NEK8: variants seen among roughly 807,000 people sequenced by gnomAD.
NEK8 encodes serine/threonine-protein kinase Nek8.
In NEK8, 51 loss-of-function variants were observed where a neutral mutation model predicts 77.2. The ratio of observed to expected loss-of-function variants is 0.66; its 90% CI spans 0.53 to 0.83. The LOEUF (loss-of-function observed/expected upper bound fraction) is 0.83, where lower values mean the gene tolerates loss of function less well. Ranked by LOEUF, NEK8 falls within the 40% of genes least tolerant of loss-of-function variation. NEK8 has a pLI of 0.00. For missense variants in NEK8, 787 were observed against 909.2 expected (o/e 0.87, Z 1.73); for synonymous variants, 365 against 363.2 (o/e 1.00, Z -0.06).
At position 28,738,744 on chromosome 17, in the gene NEK8, C is replaced by T; in HGVS notation, c.1296C>T (p.Ser432=). The change falls in exon 9 of 15, where the codon AGC becomes AGT. Residue 432 remains serine (S), a synonymous_variant. Coordinates refer to ENST00000268766, the MANE Select transcript of NEK8 (RefSeq NM_178170.3). ...GCCATGGCAGCCTCACTGACATCAG[C>T]CAGGTGGGTGTCACATATACCTTGG... ...CLGHGSLTDI[S]QPTIVEALLG... is the part of the protein sequence containing the mutation. 1.2e-6 allele frequency: 2 copies of T among 1,612,918 alleles called. No homozygotes were observed. Among genetic ancestry groups the T allele is most frequent in the Non-Finnish European group, 1.7e-6 (2 of 1,178,830 alleles).
At position 28,741,191 on chromosome 17, in the gene NEK8, G is replaced by A; in HGVS notation, c.1846G>A (p.Ala616Thr). The A allele has an allele frequency of 6.2e-7, 1 of 1,613,212 alleles. No homozygotes were observed. The highest frequency in any genetic ancestry group is 8.5e-7 in the Non-Finnish European group (1 of 1,179,572). ...KVQGLEGIKM[A>T]MVACGDAFTV... ...CCAAGGCCTTGAGGGCATCAAGATG[G>A]CAATGGTAGCCTGTGGGGATGCCTT... The change falls in exon 13 of 15, where the codon GCA becomes ACA. Residue 616 changes from alanine (A) to threonine (T), a missense_variant. Coordinates refer to ENST00000268766, the MANE Select transcript of NEK8 (RefSeq NM_178170.3). This position sits in a 1 kb window ranked among gnomAD's most constrained non-coding sequence, Gnocchi z 4.5.
In NEK8 at chr17:28,737,970, C is replaced by T. The variant is rs749011475; in HGVS notation, c.1041C>T (p.Val347=). The change falls in exon 7 of 15, where the codon GTC becomes GTT. Residue 347 remains valine, a synonymous_variant. Coordinates refer to ENST00000268766, the MANE Select transcript of NEK8 (RefSeq NM_178170.3). This position sits in a 1 kb window ranked among gnomAD's most constrained non-coding sequence, Gnocchi z 4.8. ...VAAGRTQKAG[V]TRSGRLILWE... ...CTGGGCGCACGCAGAAAGCCGGCGTCACGCGCTCTGGGCGTCTCATCCTGT... is the reference window on the plus strand; with the variant it reads ...CTGGGCGCACGCAGAAAGCCGGCGTTACGCGCTCTGGGCGTCTCATCCTGT... 2 of 1,612,098 alleles carry T rather than the reference C, an allele frequency of 1.2e-6. No homozygotes were observed. Among genetic ancestry groups the T allele is most frequent in the South Asian group, 2.2e-5 (2 of 91,028 alleles).
At position 28,728,872 on chromosome 17, in the gene NEK8, C is replaced by T; in HGVS notation, c.47+12C>T. ...AGAGGTGCCTTCGGGTGAGCCAGGG[C>T]TCTGGGGGAGGAAACTGCTAGGGGA... On this transcript the variant is annotated intron_variant, in intron 1 of 14. Coordinates refer to ENST00000268766, the MANE Select transcript of NEK8 (RefSeq NM_178170.3). 1 of 1,548,462 alleles carries T rather than the reference C, an allele frequency of 6.5e-7. No homozygotes were observed. The highest frequency in any genetic ancestry group is 8.7e-7 in the Non-Finnish European group (1 of 1,144,106).
At chr17:28,734,403 C>G (rs549330024) in intron 2 of NEK8, 1 of 604,252 alleles carries the variant, frequency 1.7e-6, no homozygotes, top group South Asian at 1.9e-5. Flanking sequence ...GGCACGGTGG[C>G]TCATGCCTGT....
intron 1 of NEK8, among the ~76,000 whole-genome samples, chr17:28,731,935 T>A (rs2034312111): frequency 9.8e-6 from 1 of 102,496 alleles, no homozygotes; most frequent in Admixed American, 9.5e-5. Flanking sequence ...TTTTTTTTTT[T>A]TTTTTTTTTT....
chr17:28,741,495 G>A lies in NEK8; in HGVS notation c.1974G>A (p.Val658=). ...RDEDAGLPRP[V]QLDETHPYTV... ...AGGATGCCGGACTCCCTCGGCCAGT[G>A]CAGTTGGATGAGACACACCCTTACA... Residue 658 remains valine (V), a synonymous_variant, in exon 14 of 15, where the codon GTG becomes GTA. Transcript: ENST00000268766. The surrounding 1 kb of genome is among the most constrained non-coding windows in gnomAD (Gnocchi z 4.5). The A allele has an allele frequency of 6.2e-7, 1 of 1,614,190 alleles. No individual in the cohort carries two copies. The highest frequency in any genetic ancestry group is 8.5e-7 in the Non-Finnish European group (1 of 1,180,030).
rs755816415 is a variant in NEK8 at position 28,737,900 on chromosome 17, C to T, written c.971C>T (p.Pro324Leu). ...GCCTGGGGTGGTGGGCTGGGCACCCCCCTGCGGCTGCCAATGCTCAACACA... is the reference window on the plus strand; with the variant it reads ...GCCTGGGGTGGTGGGCTGGGCACCCTCCTGCGGCTGCCAATGCTCAACACA... ...VYAWGGGLGT[P>L]LRLPMLNTEV... is the part of the protein sequence containing the mutation. The change falls in exon 7 of 15, where the codon CCC (proline) becomes CTC (leucine). Residue 324 changes from proline to leucine, a missense_variant. This residue lies in a region of NEK8 where 516 missense variants were observed against 544.0 expected (regional missense o/e 0.95). Transcript: ENST00000268766. This position sits in a 1 kb window ranked among gnomAD's most constrained non-coding sequence, Gnocchi z 4.8. The T allele has an allele frequency of 6.2e-7, 1 of 1,613,812 alleles. No homozygotes were observed. The highest frequency in any genetic ancestry group is 8.5e-7 in the Non-Finnish European group (1 of 1,179,986).
rs1392853679 is a variant in NEK8 at position 28,737,694 on chromosome 17, C to T, written c.847C>T (p.Pro283Ser). ...CTGCAGGGCAGAGAAGTCCGTGGCC[C>T]CCAGCAACACAGGGAGCAGGACCAC... ...RMRRAEKSVA[P>S]SNTGSRTTSV... The change falls in exon 6 of 15, where the codon CCC becomes TCC. Residue 283 changes from proline (P) to serine (S), a missense_variant. Transcript: ENST00000268766. The surrounding 1 kb of genome is among the most constrained non-coding windows in gnomAD (Gnocchi z 4.8). The T allele has an allele frequency of 6.2e-7, 1 of 1,614,144 alleles. No individual in the cohort carries two copies. The highest frequency in any genetic ancestry group is 2.2e-5 in the East Asian group (1 of 44,886).
chr17:28,740,678 T>C lies in NEK8; in HGVS notation c.1568+65T>C. The C allele has an allele frequency of 4.4e-6, 7 of 1,597,614 alleles. No individual in the cohort carries two copies. Among genetic ancestry groups the C allele is most frequent in the Non-Finnish European group, 6.0e-6 (7 of 1,165,434 alleles). ...TCCTTGGCTGCAAGTGCTCCGTCCATCATTGCCTACCTTTCACCAAAGACC... is the reference window on the plus strand; with the variant it reads ...TCCTTGGCTGCAAGTGCTCCGTCCACCATTGCCTACCTTTCACCAAAGACC... On this transcript the variant is annotated intron_variant, in intron 11 of 14. Transcript: ENST00000268766. This position sits in a 1 kb window ranked among gnomAD's most constrained non-coding sequence, Gnocchi z 4.7.
chr17:28,738,399 A>G (rs972412755), intron 8 of NEK8, among the ~76,000 whole-genome samples, 154 bp downstream of exon 8: 2 of 152,214 alleles, frequency 1.3e-5, no homozygotes, highest in Non-Finnish European at 2.9e-5. Context: ...ATTTCCTTAT[A>G]CAACCTCCTT....
In NEK8 at chr17:28,737,723, T is replaced by A. The variant is rs2034379355; in HGVS notation, c.876T>A (p.Ser292Arg). The stretch of plus-strand genomic sequence containing the variant: ...GCAACACAGGGAGCAGGACCACCAG[T>A]GTCCGCTGCAGAGGTAAGTGGGAAG... ...APSNTGSRTT[S>R]VRCRGIPRGP... is the part of the protein sequence containing the mutation. The change falls in exon 6 of 15, where the codon AGT (serine) becomes AGA (arginine). Residue 292 changes from serine (S) to arginine (R), a missense_variant. Transcript: ENST00000268766. This position sits in a 1 kb window ranked among gnomAD's most constrained non-coding sequence, Gnocchi z 4.8. 3 of 1,613,998 alleles carry A rather than the reference T, an allele frequency of 1.9e-6. No homozygotes were observed. The highest frequency in any genetic ancestry group is 2.5e-6 in the Non-Finnish European group (3 of 1,180,016).
Position 28,728,826 on chromosome 17 carries a change from G to C in NEK8, c.13G>C (p.Glu5Gln). MEKY[E>Q]RIRVVGRGAF... ...TCTAAGAAATGAGATGGAGAAGTAC[G>C]AGCGGATCCGAGTGGTGGGGAGAGG... Residue 5 changes from glutamate (E) to glutamine (Q), a missense_variant, in exon 1 of 15, where the codon GAG becomes CAG. Glu to Gln is a conservative substitution (Grantham distance 29). Around this residue, in one of 2 missense-constraint regions of NEK8, gnomAD observed 271 missense variants for 365.1 expected, o/e 0.74. Transcript: ENST00000268766. The C allele has an allele frequency of 6.4e-7, 1 of 1,551,598 alleles. No homozygotes were observed. The highest frequency in any genetic ancestry group is 8.7e-7 in the Non-Finnish European group (1 of 1,146,870).
Position 28,738,167 on chromosome 17 carries a change from TC to T in NEK8, c.1145del (p.Ser382CysfsTer10). ...GGAGCAGCCACAGCCCCAGTTCATC[TC>T]GCGTTTCCTGGAGGGCCAGTCGGGT... ...AVEQPQPQFI[S>X]RFLEGQSGVT... is the part of the protein sequence containing the mutation. On this transcript the variant is annotated frameshift_variant, in exon 8 of 15. Transcript: ENST00000268766. LOFTEE classifies it high-confidence loss of function. The T allele has an allele frequency of 1.2e-6, 2 of 1,614,080 alleles. No homozygotes were observed. Among genetic ancestry groups the T allele is most frequent in the South Asian group, 1.1e-5 (1 of 91,086 alleles).
In NEK8 at chr17:28,738,102, C is replaced by A. The variant is rs768677742; in HGVS notation, c.1079C>A (p.Pro360His). ...ATCCCCCTGCCCCTGCAGGCCCCAC[C>A]CCTAGGTGCAGGCGGAGGCAGTCTC... ...SGRLILWEAP[P>H]LGAGGGSLLP... Residue 360 changes from proline (P) to histidine (H), a missense_variant, in exon 8 of 15, where the codon CCC becomes CAC. By Grantham distance (77) the Pro-to-His change is moderately conservative (BLOSUM62 -2). Transcript: ENST00000268766. The A allele has an allele frequency of 1.9e-6, 3 of 1,613,468 alleles. No homozygotes were observed. The Admixed American group carries it at 5.0e-5, about 27-fold the overall frequency.
chr17:28,734,893 G>T lies in NEK8; in HGVS notation c.375G>T (p.Leu125=). The T allele has an allele frequency of 6.2e-7, 1 of 1,613,696 alleles. No individual in the cohort carries two copies. The highest frequency in any genetic ancestry group is 8.5e-7 in the Non-Finnish European group (1 of 1,179,976). The change falls in exon 3 of 15, where the codon CTG becomes CTT. Residue 125 remains leucine (L), a synonymous_variant. Coordinates refer to ENST00000268766, the MANE Select transcript of NEK8 (RefSeq NM_178170.3). ...ATCATGTGCACACCCACCTCATCCTGCACCGAGACCTCAAGACCCAGAACA... is the reference window on the plus strand; with the variant it reads ...ATCATGTGCACACCCACCTCATCCTTCACCGAGACCTCAAGACCCAGAACA... ...ALHHVHTHLI[L]HRDLKTQNIL... is the part of the protein sequence containing the mutation.
chr17:28,741,417 C>T lies in NEK8; in HGVS notation c.1896C>T (p.Ser632=), dbSNP rs778534220. Residue 632 remains serine (S), a synonymous_variant, in exon 14 of 15, where the codon AGC becomes AGT. Coordinates refer to ENST00000268766, the MANE Select transcript of NEK8 (RefSeq NM_178170.3). The surrounding 1 kb of genome is among the most constrained non-coding windows in gnomAD (Gnocchi z 4.5). Reference sequence around the variant, plus strand: ...CCTGGGGATTCTTCCTGGCAGAGAGCGAAGTGTACTCTTGGGGCAAAGGGG... The same window carrying T: ...CCTGGGGATTCTTCCTGGCAGAGAGTGAAGTGTACTCTTGGGGCAAAGGGG... The part of the protein sequence containing the change: ...DAFTVAIGAE[S]EVYSWGKGAR... 18 of 1,613,784 alleles carry T rather than the reference C, an allele frequency of 1.1e-5. No homozygotes were observed. The highest frequency in any genetic ancestry group is 6.7e-5 in the African/African-American group (5 of 74,882).
intron 1 of NEK8, 129 bp downstream of exon 1, chr17:28,728,989 A>C: frequency 2.3e-6 from 2 of 852,320 alleles, no homozygotes; most frequent in Non-Finnish European, 3.8e-6. Context: ...GCCCCGCCCA[A>C]GCTTCCGGTC....
Position 28,732,308 on chromosome 17 carries a change from TAAAA to T in NEK8, c.48-1672_48-1669del, listed in dbSNP as rs1481232733. Among the ~76,000 whole-genome samples the T allele has an allele frequency of 3.3e-5, 5 of 151,720 alleles. No individual in the cohort carries two copies. In the East Asian group the frequency reaches 7.7e-4, roughly 24 times the overall value. ...TATCTATAAAAAAAAGAAAAATAAA[TAAAA>T]AATAAATGTCATTCTGGTTCATGTA... On this transcript the variant is annotated intron_variant, in intron 1 of 14. Coordinates refer to ENST00000268766, the MANE Select transcript of NEK8 (RefSeq NM_178170.3).
chr17:28,738,581 T>A (rs2034390208), intron 8 of NEK8, 90 bp from the exon 9 acceptor site: 3 of 1,163,650 alleles, frequency 2.6e-6, no homozygotes, highest in Non-Finnish European at 3.9e-6. Context: ...CCAACTTTAT[T>A]TTGCTGCTGC....
Sources: allele counts gnomAD v4.1 joint callset (sites outside exome capture counted in the v4.1 genomes callset), GRCh38; gene constraint gnomAD v4.1.1; regional missense constraint gnomAD v4.1.1; non-coding constraint Gnocchi (gnomAD v3.1); transcripts MANE v1.5; gene names NCBI Gene and HGNC (gene_info 2026-07-23, HGNC 2026-07-21).